Variants in SORCS1 observed in about 807,000 individuals in gnomAD.
The protein encoded by SORCS1 is sortilin related VPS10 domain containing receptor 1.
A neutral mutation model predicts 146.1 loss-of-function variants in SORCS1; 60 were observed. The observed-to-expected ratio is 0.41, with a 90% confidence interval of 0.33 to 0.51. SORCS1 has a LOEUF of 0.51. Among genes scored for constraint, SORCS1 ranks in the 20% least tolerant of loss-of-function variants. The pLI is 0.21. For missense variants in SORCS1, 1,352 were observed against 1,487.6 expected (o/e 0.91, Z 1.50); for synonymous variants, 637 against 584.0 (o/e 1.09, Z -1.31).
At chr10:107,065,415 T>TTTTCTTTCTTTCTTTTC (rs1961665489) in intron 1 of SORCS1, among the ~76,000 whole-genome samples, 2 of 120,470 alleles carry the variant, frequency 1.7e-5, no homozygotes, top group African/African-American at 9.0e-5. Flanking sequence ...TCTCTCTTTC[T>TTTTCTTTCTTTCTTTTC]TTTCTTTCTT....
chr10:107,003,521 T>C (rs1334743125), intron 1 of SORCS1, among the ~76,000 whole-genome samples: 2 of 151,432 alleles, frequency 1.3e-5, no homozygotes, highest in African/African-American at 4.8e-5. Context: ...ACAACAAGAA[T>C]ATTAATCTTT....
chr10:106,844,356 G>A (rs1270603205), intron 2 of SORCS1, among the ~76,000 whole-genome samples: 1 of 151,818 alleles, frequency 6.6e-6, no homozygotes, highest in African/African-American at 2.4e-5. Flanking sequence ...CTGTGCTTTT[G>A]GTGTCAAATT....
At chr10:107,044,782 A>G (rs1959223590) in intron 1 of SORCS1, among the ~76,000 whole-genome samples, 1 of 148,624 alleles carries the variant, frequency 6.7e-6, no homozygotes, top group African/African-American at 2.5e-5. Flanking sequence ...ATTGCATTCC[A>G]GCCTGGGAGA....
At position 106,727,211 on chromosome 10, in the gene SORCS1, T is replaced by C. The variant is rs188706742; in HGVS notation, c.1024+2839A>G. On this transcript the variant is annotated intron_variant, in intron 6 of 25. Transcript: ENST00000263054. ...AGGTTTAAGATGTGAGGCTCTAGCA[T>C]TTTCAGACAACCTGGTAAGTGAGGT... Among the ~76,000 whole-genome samples the C allele has an allele frequency of 1.4e-3, 215 of 152,308 alleles. 1 individual carries two copies. The highest frequency in any genetic ancestry group is 2.5e-3 in the Non-Finnish European group (172 of 68,018).
At chr10:106,980,738 G>A (rs1265080316) in intron 1 of SORCS1, among the ~76,000 whole-genome samples, 1 of 152,134 alleles carries the variant, frequency 6.6e-6, no homozygotes, top group East Asian at 1.9e-4. Context: ...GGTGGTAGCT[G>A]TTTGTAATAT....
intron 6 of SORCS1, among the ~76,000 whole-genome samples, chr10:106,725,740 A>G (rs1427438639): frequency 6.6e-6 from 1 of 151,462 alleles, no homozygotes; most frequent in Non-Finnish European, 1.5e-5. Flanking sequence ...AGAGCAGCCT[A>G]GCCAACACGG....
chr10:106,991,817 T>G (rs920318017), intron 1 of SORCS1, among the ~76,000 whole-genome samples: 1 of 152,126 alleles, frequency 6.6e-6, no homozygotes, highest in African/African-American at 2.4e-5. Flanking sequence ...AGGATGAAGT[T>G]GAGGTTGTAT....
In SORCS1 at chr10:107,109,473, T is replaced by C. The variant is rs145491353; in HGVS notation, c.558+54496A>G. On this transcript the variant is annotated intron_variant, in intron 1 of 25. Transcript: ENST00000263054. ...AGCCTGAGCTATATCTGGGGCCCTC[T>C]GAGCCAAGGATGGAGCCAGAGGGGC... Among the ~76,000 whole-genome samples, 59 of 152,306 alleles carry C rather than the reference T, an allele frequency of 3.9e-4. No individual in the cohort carries two copies. In the East Asian group the frequency reaches 9.1e-3, roughly 23 times the overall value.
intron 1 of SORCS1, among the ~76,000 whole-genome samples, chr10:107,107,974 G>A (rs940377753): frequency 1.3e-5 from 2 of 152,218 alleles, no homozygotes; most frequent in Non-Finnish European, 2.9e-5. Context: ...ACTCTTAGCT[G>A]TGGACAGAGA....
intron 17 of SORCS1, among the ~76,000 whole-genome samples, chr10:106,665,169 T>C (rs1317534615): frequency 6.6e-6 from 1 of 152,176 alleles, no homozygotes; most frequent in Non-Finnish European, 1.5e-5. Flanking sequence ...AAGAATAGTA[T>C]CTATTATTTT....
At chr10:106,778,217 G>A (rs1860611313) in intron 3 of SORCS1, among the ~76,000 whole-genome samples, 1 of 152,116 alleles carries the variant, frequency 6.6e-6, no homozygotes, top group Non-Finnish European at 1.5e-5. Flanking sequence ...GTTCCTTGCT[G>A]TTCTTTCAAC....
intron 12 of SORCS1, among the ~76,000 whole-genome samples, chr10:106,679,009 T>G (rs901763500): frequency 1.3e-5 from 2 of 152,216 alleles, no homozygotes; most frequent in South Asian, 2.1e-4. Context: ...TCATTGTGAC[T>G]TATAAACACC....
At chr10:106,866,325 C>A (rs1054517964) in intron 2 of SORCS1, among the ~76,000 whole-genome samples, 1 of 152,308 alleles carries the variant, frequency 6.6e-6, no homozygotes, top group South Asian at 2.1e-4. Flanking sequence ...TCCAACCCCA[C>A]TCATTACCAG....
At chr10:107,113,997 TAAGA>T (rs1965864534) in intron 1 of SORCS1, among the ~76,000 whole-genome samples, 1 of 152,020 alleles carries the variant, frequency 6.6e-6, no homozygotes, top group South Asian at 2.1e-4. Flanking sequence ...CAAAGGATCA[TAAGA>T]GACTACTTGA....
At chr10:106,809,124 T>C (rs1054886069) in intron 3 of SORCS1, among the ~76,000 whole-genome samples, 1 of 152,120 alleles carries the variant, frequency 6.6e-6, no homozygotes, top group African/African-American at 2.4e-5. Context: ...CAAGGCTTTT[T>C]TCGTTCTTCT....
chr10:106,765,568 G>T (rs543526518), intron 4 of SORCS1, among the ~76,000 whole-genome samples: 1 of 152,102 alleles, frequency 6.6e-6, no homozygotes, highest in Non-Finnish European at 1.5e-5. Flanking sequence ...GCTGCCAGTT[G>T]GGTGGTAGGC....
intron 3 of SORCS1, among the ~76,000 whole-genome samples, chr10:106,782,597 A>G (rs959789495): frequency 1.3e-5 from 2 of 152,252 alleles, no homozygotes; most frequent in African/African-American, 4.8e-5. Flanking sequence ...ATCAGGAATG[A>G]CAACATATGA....
At chr10:107,156,426 G>A (rs1969287779) in intron 1 of SORCS1, among the ~76,000 whole-genome samples, 1 of 152,180 alleles carries the variant, frequency 6.6e-6, no homozygotes, top group Non-Finnish European at 1.5e-5. Flanking sequence ...AAATCATGTG[G>A]TGATGTTCCA....
intron 2 of SORCS1, among the ~76,000 whole-genome samples, chr10:106,877,905 G>A (rs1480126238): frequency 6.6e-6 from 1 of 152,160 alleles, no homozygotes; most frequent in Non-Finnish European, 1.5e-5. Flanking sequence ...TCAGAGGGTG[G>A]AAACAACTCT....
Sources: gnomAD v4.1 joint callset for allele counts (sites outside exome capture counted in the v4.1 genomes callset) on GRCh38, gnomAD v4.1.1 for gene constraint, MANE v1.5 for transcripts, NCBI Gene and HGNC (gene_info 2026-07-23, HGNC 2026-07-21) for gene names.